KCNA3: variants seen among roughly 807,000 people sequenced by gnomAD.
KCNA3 encodes RP11-284N8.3.
KCNA3 carries 18 observed loss-of-function variants against 34.3 expected under a neutral mutation model. The ratio of observed to expected loss-of-function variants is 0.52; its 90% CI spans 0.36 to 0.78. The LOEUF (loss-of-function observed/expected upper bound fraction) is 0.78, where lower values mean the gene tolerates loss of function less well. Ranked by LOEUF, KCNA3 falls within the 30% of genes least tolerant of loss-of-function variation. KCNA3 has a pLI of 0.00. For missense variants in KCNA3, 587 were observed against 802.5 expected (o/e 0.73, Z 3.24); for synonymous variants, 324 against 351.7 (o/e 0.92, Z 0.88).
the KCNA3 span, among the ~76,000 whole-genome samples, chr1:110,659,877 T>C: frequency 1.3e-5 from 2 of 149,300 alleles, no homozygotes; most frequent in African/African-American, 2.5e-5. Context: ...CAGGTGGGAA[T>C]TGAACAATGA....
chr1:110,674,645 C>T lies in KCNA3; in HGVS notation c.165G>A (p.Val55=), dbSNP rs1417007932. Reference sequence around the variant, plus strand: ...GCTCCAGCAGGTGGTCCCCGGGCACCACGGTCATGTCGGGCGGCAGCTCGC... The same window carrying T: ...GCTCCAGCAGGTGGTCCCCGGGCACTACGGTCATGTCGGGCGGCAGCTCGC... The part of the protein sequence containing the change: ...AGRELPPDMT[V]VPGDHLLEPE... Residue 55 remains valine, a synonymous_variant, in exon 1 of 1, where the codon GTG becomes GTA. Transcript: ENST00000369769. The surrounding 1 kb of genome is among the most constrained non-coding windows in gnomAD (Gnocchi z 6.4). The T allele has an allele frequency of 6.5e-7, 1 of 1,542,512 alleles. No individual in the cohort carries two copies. Among genetic ancestry groups the T allele is most frequent in the East Asian group, 2.6e-5 (1 of 39,014 alleles).
chr1:110,657,463 G>A, the KCNA3 span, among the ~76,000 whole-genome samples: 1 of 152,122 alleles, frequency 6.6e-6, no homozygotes, highest in African/African-American at 2.4e-5. Flanking sequence ...GCAAACTGAA[G>A]CCTAGTAATG....
chr1:110,674,137 C>G lies in KCNA3; in HGVS notation c.673G>C (p.Glu225Gln). The G allele has an allele frequency of 6.2e-7, 1 of 1,612,662 alleles. No individual in the cohort carries two copies. Among genetic ancestry groups the G allele is most frequent in the Non-Finnish European group, 8.5e-7 (1 of 1,179,396 alleles). ...DFQRQVWLLF[E>Q]YPESSGPARG... ...GCCGGCCCGGAGCTCTCGGGGTACT[C>G]GAAGAGCAGCCACACCTGGCGCTGG... is the stretch of plus-strand genomic sequence containing the variant. The change falls in exon 1 of 1, where the codon GAG becomes CAG. Residue 225 changes from glutamate (E) to glutamine (Q), a missense_variant. Around this residue, in one of 7 missense-constraint regions of KCNA3, gnomAD observed 341 missense variants for 355.4 expected, o/e 0.96. Coordinates refer to ENST00000369769, the MANE Select transcript of KCNA3 (RefSeq NM_002232.5). The surrounding 1 kb of genome is among the most constrained non-coding windows in gnomAD (Gnocchi z 6.4).
rs1007298126 is a variant in KCNA3, at chr1:110,674,551, C to T, written c.259G>A (p.Glu87Lys). ...GCGGGGCDRY[E>K]PLPPSLPAAG... ...GCCGGCAGTGAGGGCGGCAGCGGCT[C>T]GTAGCGGTCGCAGCCGCCGCCGCCA... The change falls in exon 1 of 1, where the codon GAG (glutamate) becomes AAG (lysine). Residue 87 changes from glutamate (E) to lysine (K), a missense_variant. By Grantham distance (56) the Glu-to-Lys change is moderately conservative. Transcript: ENST00000369769. This position sits in a 1 kb window ranked among gnomAD's most constrained non-coding sequence, Gnocchi z 6.4. The T allele has an allele frequency of 8.9e-6, 14 of 1,581,844 alleles. No homozygotes were observed. The highest frequency in any genetic ancestry group is 8.2e-5 in the African/African-American group (6 of 73,154).
At chr1:110,658,121 A>G in the KCNA3 span, among the ~76,000 whole-genome samples, 1 of 152,234 alleles carries the variant, frequency 6.6e-6, no homozygotes, top group East Asian at 1.9e-4. Context: ...TGAGACATTC[A>G]TTGTAGACTT....
At chr1:110,667,737 C>T (rs776174299), downstream of KCNA3, among the ~76,000 whole-genome samples, 7 of 152,060 alleles carry the variant, frequency 4.6e-5, no homozygotes, top group African/African-American at 1.7e-4. Context: ...ATCATGAAAA[C>T]GTTTCTTTTT....
At chr1:110,655,549 T>C in the KCNA3 span, 1 of 152,088 alleles carries the variant, frequency 6.6e-6, no homozygotes, top group East Asian at 1.9e-4. Context: ...CTCACAAAGA[T>C]CACAGTAATA....
rs928669976 is a variant in KCNA3 at position 110,674,841 on chromosome 1, A to G, written c.-32T>C. The G allele has an allele frequency of 1.6e-6, 2 of 1,288,508 alleles. No homozygotes were observed. The highest frequency in any genetic ancestry group is 3.2e-5 in the East Asian group (1 of 31,470). The allele number at this position is 1,288,508 out of a possible 1,614,324, so 79.8% of individuals were successfully genotyped here. On this transcript the variant is annotated 5_prime_UTR_variant, in exon 1 of 1. Transcript: ENST00000369769. The surrounding 1 kb of genome is among the most constrained non-coding windows in gnomAD (Gnocchi z 6.4). ...GGGAAGAGGCGGCAGCGGTGAGGCC[A>G]GGTCGCTCCTCCTCGCGCTCCCCGC...
At position 110,674,540 on chromosome 1, in the gene KCNA3, C is replaced by T; in HGVS notation, c.270G>A (p.Pro90=). ...GGGCDRYEPL[P]PSLPAAGEQD... ...GCTCGCCCGCGGCCGGCAGTGAGGGCGGCAGCGGCTCGTAGCGGTCGCAGC... is the reference window on the plus strand; with the variant it reads ...GCTCGCCCGCGGCCGGCAGTGAGGGTGGCAGCGGCTCGTAGCGGTCGCAGC... The change falls in exon 1 of 1, where the codon CCG becomes CCA. Residue 90 remains proline, a synonymous_variant. Coordinates refer to ENST00000369769, the MANE Select transcript of KCNA3 (RefSeq NM_002232.5). The surrounding 1 kb of genome is among the most constrained non-coding windows in gnomAD (Gnocchi z 6.4). 2.5e-6 allele frequency: 4 copies of T among 1,605,020 alleles called. No individual in the cohort carries two copies. The highest frequency in any genetic ancestry group is 8.5e-7 in the Non-Finnish European group (1 of 1,176,524).
rs751180352 is a variant in KCNA3, at chr1:110,674,595, G to A, written c.215C>T (p.Ala72Val). The A allele has an allele frequency of 1.9e-6, 3 of 1,567,544 alleles. No homozygotes were observed. The highest frequency in any genetic ancestry group is 1.2e-5 in the South Asian group (1 of 85,948). Residue 72 changes from alanine to valine, a missense_variant, in exon 1 of 1, where the codon GCC becomes GTC. Coordinates refer to ENST00000369769, the MANE Select transcript of KCNA3 (RefSeq NM_002232.5). The surrounding 1 kb of genome is among the most constrained non-coding windows in gnomAD (Gnocchi z 6.4). ...GCCGCCACAGCCGCCTTGAGGCGGGGCCCCTCCACCATCGGCCACCTCCGG... is the reference window on the plus strand; with the variant it reads ...GCCGCCACAGCCGCCTTGAGGCGGGACCCCTCCACCATCGGCCACCTCCGG... Reference protein sequence around the residue: ...LEPEVADGGGAPPQGGCGGGG... With the variant: ...LEPEVADGGGVPPQGGCGGGG...
chr1:110,667,948 A>G (rs1057034586), downstream of KCNA3, among the ~76,000 whole-genome samples: 4 of 152,156 alleles, frequency 2.6e-5, no homozygotes, highest in Non-Finnish European at 4.4e-5. Flanking sequence ...GAGTCACAAT[A>G]GTAAGGTCTG....
chr1:110,661,575 C>T, the KCNA3 span, among the ~76,000 whole-genome samples: 1 of 152,162 alleles, frequency 6.6e-6, no homozygotes, highest in African/African-American at 2.4e-5. Flanking sequence ...CTGCTCAATG[C>T]TACTGCAGCT....
the KCNA3 span, among the ~76,000 whole-genome samples, chr1:110,662,650 T>G: frequency 2.0e-5 from 3 of 152,180 alleles, no homozygotes; most frequent in Non-Finnish European, 2.9e-5. Flanking sequence ...TTGAAAATTA[T>G]GTACTCTCAG....
the KCNA3 span, chr1:110,655,925 C>T: frequency 1.2e-4 from 18 of 152,256 alleles, no homozygotes; most frequent in Non-Finnish European, 1.5e-5. Flanking sequence ...TAACTATCCA[C>T]TATTGCCAAA....
At position 110,672,816 on chromosome 1, in the gene KCNA3, T is replaced by C; in HGVS notation, c.*266A>G. 2.5e-6 allele frequency: 1 copy of C among 394,978 alleles called. No homozygotes were observed. Among genetic ancestry groups the C allele is most frequent in the East Asian group, 4.0e-5 (1 of 24,696 alleles). The allele number at this position is 394,978 out of a possible 1,614,324, so 24.5% of individuals were successfully genotyped here. ...TTTTAAATAGGGCGTGTACTAGAAATGAAGTTTAACGTAAGTCTGTTGTTT... is the reference window on the plus strand; with the variant it reads ...TTTTAAATAGGGCGTGTACTAGAAACGAAGTTTAACGTAAGTCTGTTGTTT... On this transcript the variant is annotated 3_prime_UTR_variant, in exon 1 of 1. Transcript: ENST00000369769.
At chr1:110,669,774 C>A (rs939934843), downstream of KCNA3, among the ~76,000 whole-genome samples, 1 of 152,110 alleles carries the variant, frequency 6.6e-6, no homozygotes, top group Non-Finnish European at 1.5e-5. Flanking sequence ...ACTTACCTTG[C>A]GGAGTTGACA....
At chr1:110,660,449 A>T in the KCNA3 span, among the ~76,000 whole-genome samples, 4 of 152,140 alleles carry the variant, frequency 2.6e-5, no homozygotes, top group African/African-American at 9.7e-5. Flanking sequence ...TTACTGTGGT[A>T]ATCTATGATG....
chr1:110,658,707 C>T, the KCNA3 span, among the ~76,000 whole-genome samples: 2 of 151,956 alleles, frequency 1.3e-5, no homozygotes, highest in African/African-American at 4.8e-5. Context: ...AAGCTATAAA[C>T]ATTAGATGAA....
In KCNA3 at chr1:110,672,550, C is replaced by A. The variant is rs573148846; in HGVS notation, c.*532G>T. On this transcript the variant is annotated 3_prime_UTR_variant, in exon 1 of 1. Coordinates refer to ENST00000369769, the MANE Select transcript of KCNA3 (RefSeq NM_002232.5). ...TCAAATAGGAATTTAAGTCAAAAAC[C>A]AAATAACTCATGGTGGGTTTACAAG... 2 of 152,626 alleles carry A rather than the reference C, an allele frequency of 1.3e-5. No homozygotes were observed. Among genetic ancestry groups the A allele is most frequent in the East Asian group, 3.9e-4 (2 of 5,174 alleles). The allele number at this position is 152,626 out of a possible 1,614,324, so 9.5% of individuals were successfully genotyped here.
Sources: allele counts gnomAD v4.1 joint callset (sites outside exome capture counted in the v4.1 genomes callset), GRCh38; gene constraint gnomAD v4.1.1; regional missense constraint gnomAD v4.1.1; non-coding constraint Gnocchi (gnomAD v3.1); transcripts MANE v1.5; gene names NCBI Gene and HGNC (gene_info 2026-07-23, HGNC 2026-07-21).